Variants in MGRN1 observed in about 807,000 individuals in gnomAD.
MGRN1 encodes E3 ubiquitin-protein ligase MGRN1.
In MGRN1, 29 loss-of-function variants were observed where a neutral mutation model predicts 69.2. That is an observed-to-expected ratio of 0.42 (90% CI 0.31 to 0.57). MGRN1 has a LOEUF of 0.57. MGRN1 is among the 20% of genes least tolerant of loss of function. The pLI is 0.15. For missense variants in MGRN1, 998 were observed against 796.2 expected, an observed-to-expected ratio of 1.25 and a Z score of -3.05; for synonymous variants, 470 against 344.2, an observed-to-expected ratio of 1.37 and a Z score of -4.04.
intron 12 of MGRN1, among the ~76,000 whole-genome samples, chr16:4,681,164 G>A (rs922781097): frequency 6.6e-6 from 1 of 152,206 alleles, no homozygotes; most frequent in Non-Finnish European, 1.5e-5. Flanking sequence ...GCCCCTGACC[G>A]TGTCTCTCGC....
At chr16:4,657,397 T>A in intron 5 of MGRN1, 34 bp downstream of exon 5, 2 of 1,583,048 alleles carry the variant, frequency 1.3e-6, no homozygotes, top group Non-Finnish European at 1.7e-6. Context: ...TGCCCTTCGC[T>A]CCTCCTGAAT....
chr16:4,644,069 C>G (rs2141858815), intron 1 of MGRN1, among the ~76,000 whole-genome samples: 1 of 151,988 alleles, frequency 6.6e-6, no homozygotes, highest in Non-Finnish European at 1.5e-5. Context: ...CCTCTGCCTC[C>G]CAGATGCAAG....
At chr16:4,648,174 A>G (rs73516863) in intron 1 of MGRN1, among the ~76,000 whole-genome samples, 4,285 of 152,084 alleles carry the variant, frequency 0.028, 201 homozygotes, top group African/African-American at 0.096. Context: ...GTTGAGGACC[A>G]TGTATTCTGA....
intron 1 of MGRN1, chr16:4,649,147 C>G (rs2078346377): frequency 6.6e-6 from 1 of 152,466 alleles, no homozygotes; most frequent in East Asian, 1.9e-4. Flanking sequence ...CCACCTACAG[C>G]CTCCCGCCCT....
chr16:4,648,910 C>T (rs974478410), intron 1 of MGRN1, among the ~76,000 whole-genome samples: 50 of 151,352 alleles, frequency 3.3e-4, no homozygotes, highest in Non-Finnish European at 5.8e-4. Flanking sequence ...CTCCTCCTCT[C>T]GGGGACTCTT....
intron 11 of MGRN1, among the ~76,000 whole-genome samples, chr16:4,679,016 C>T (rs2079116669): frequency 1.3e-5 from 2 of 152,336 alleles, no homozygotes; most frequent in East Asian, 1.9e-4. Context: ...GGTCTTGATG[C>T]TAGAGGAGAA....
chr16:4,645,383 G>A (rs1363536254), intron 1 of MGRN1, among the ~76,000 whole-genome samples: 2 of 152,150 alleles, frequency 1.3e-5, no homozygotes, highest in African/African-American at 4.8e-5. Context: ...TGCCCAGGCT[G>A]GTCTTGAACT....
At chr16:4,678,711 G>T (rs929783754) in intron 11 of MGRN1, among the ~76,000 whole-genome samples, 11 of 152,350 alleles carry the variant, frequency 7.2e-5, no homozygotes, top group African/African-American at 2.4e-4. Flanking sequence ...CACGCGCATT[G>T]TCAGATTGAG....
chr16:4,687,833 T>C, intron 16 of MGRN1: 1 of 985,496 alleles, frequency 1.0e-6, no homozygotes, highest in Non-Finnish European at 1.2e-6. Flanking sequence ...TCGCTTCTTT[T>C]GACTGCGCTC....
At chr16:4,628,649 A>G (rs971396538) in intron 1 of MGRN1, among the ~76,000 whole-genome samples, 3 of 152,042 alleles carry the variant, frequency 2.0e-5, no homozygotes, top group African/African-American at 4.8e-5. Flanking sequence ...GGTTCAAGCA[A>G]TTCTCCTGTT....
At chr16:4,671,101 G>T (rs925397156) in intron 8 of MGRN1, among the ~76,000 whole-genome samples, 1 of 152,134 alleles carries the variant, frequency 6.6e-6, no homozygotes, top group African/African-American at 2.4e-5. Flanking sequence ...GAGCCAAGTG[G>T]TGTTGGGGGT....
intron 7 of MGRN1, 126 bp from the exon 8 acceptor site, chr16:4,668,139 C>A (rs201926184): frequency 7.1e-3 from 2,698 of 381,300 alleles, no homozygotes; most frequent in Middle Eastern, 0.011. Context: ...TTTTTTTTTT[C>A]TTTTTTCTTT....
chr16:4,646,885 C>G (rs1054518834), intron 1 of MGRN1, among the ~76,000 whole-genome samples: 2 of 152,184 alleles, frequency 1.3e-5, no homozygotes, highest in African/African-American at 4.8e-5. Context: ...TGTCTCCTGC[C>G]TGGGGCCATG....
chr16:4,686,555 G>T, intron 16 of MGRN1: 2 of 1,339,470 alleles, frequency 1.5e-6, no homozygotes, highest in Non-Finnish European at 1.9e-6. Context: ...CGGCCGGTCA[G>T]GCTCTTCTTC....
At chr16:4,674,892 G>A (rs1487663387) in intron 10 of MGRN1, among the ~76,000 whole-genome samples, 1 of 150,074 alleles carries the variant, frequency 6.7e-6, no homozygotes, top group African/African-American at 2.5e-5. Context: ...CACCCGCCTC[G>A]GCCTCCCAAA....
At chr16:4,640,713 G>T (rs2078138491) in intron 1 of MGRN1, 1 of 152,060 alleles carries the variant, frequency 6.6e-6, no homozygotes, top group Admixed American at 6.5e-5. Context: ...CCATTCTGCT[G>T]GGGAAGCCCC....
At chr16:4,634,949 A>C (rs1898203130) in intron 1 of MGRN1, 1 of 152,166 alleles carries the variant, frequency 6.6e-6, no homozygotes, top group African/African-American at 2.4e-5. Flanking sequence ...ACATAACTGA[A>C]GCTTTCTTCT....
At chr16:4,667,873 T>G (rs2078841224) in intron 7 of MGRN1, among the ~76,000 whole-genome samples, 1 of 152,170 alleles carries the variant, frequency 6.6e-6, no homozygotes, top group Admixed American at 6.5e-5. Context: ...AGCAGGAAGC[T>G]GTTTTGTCTG....
chr16:4,676,343 G>T (rs2079052784), intron 10 of MGRN1, among the ~76,000 whole-genome samples: 2 of 152,270 alleles, frequency 1.3e-5, no homozygotes, highest in Non-Finnish European at 2.9e-5. Flanking sequence ...CTGCCCAGGA[G>T]GCAGGCAGTG....
Sources: allele counts gnomAD v4.1 joint callset (sites outside exome capture counted in the v4.1 genomes callset), GRCh38; gene constraint gnomAD v4.1.1; transcripts MANE v1.5; gene names NCBI Gene and HGNC (gene_info 2026-07-23, HGNC 2026-07-21).